FAR1: variants seen among roughly 807,000 people sequenced by gnomAD.
FAR1 encodes the protein male sterility domain-containing protein 2.
A neutral mutation model predicts 61.1 loss-of-function variants in FAR1; 22 were observed. The observed-to-expected ratio is 0.36, with a 90% CI of 0.26 to 0.51. The LOEUF (loss-of-function observed/expected upper bound fraction) is 0.51, where lower values mean the gene tolerates loss of function less well. Among genes scored for constraint, FAR1 ranks in the 20% least tolerant of loss-of-function variants. The pLI is 0.95. For synonymous variants in FAR1, 206 were observed against 209.7 expected (o/e 0.98, Z 0.15); for missense variants, 359 against 626.9 (o/e 0.57, Z 4.56).
At chr11:13,717,593 A>G (rs1453734088) in intron 9 of FAR1, among the ~76,000 whole-genome samples, 1 of 152,176 alleles carries the variant, frequency 6.6e-6, no homozygotes, top group Non-Finnish European at 1.5e-5. Flanking sequence ...TGTGCAGCCA[A>G]GTAGCCTTCT....
chr11:13,673,400 A>G (rs1424669431), intron 1 of FAR1, among the ~76,000 whole-genome samples: 6 of 152,240 alleles, frequency 3.9e-5, no homozygotes, highest in Non-Finnish European at 8.8e-5. Context: ...TGTGAATACC[A>G]TATTACAGAT....
At chr11:13,682,462 T>G (rs1467213797) in intron 1 of FAR1, among the ~76,000 whole-genome samples, 1 of 152,202 alleles carries the variant, frequency 6.6e-6, no homozygotes, top group East Asian at 1.9e-4. Flanking sequence ...CATGGCTGCT[T>G]TTCTGGTACA....
At chr11:13,707,149 G>C (rs1308225137) in intron 3 of FAR1, among the ~76,000 whole-genome samples, 1 of 152,072 alleles carries the variant, frequency 6.6e-6, no homozygotes. Context: ...ATATTCCATA[G>C]TGAATATTTG....
chr11:13,713,368 A>T (rs1017143766), intron 8 of FAR1, among the ~76,000 whole-genome samples: 1 of 149,756 alleles, frequency 6.7e-6, no homozygotes, highest in Non-Finnish European at 1.5e-5. Context: ...CTCAGTCTTG[A>T]TGTTGCCTAT....
intron 4 of FAR1, among the ~76,000 whole-genome samples, chr11:13,709,959 T>G (rs1449068879): frequency 6.6e-6 from 1 of 152,112 alleles, no homozygotes. Context: ...CGCCCTCCTT[T>G]TACAGATGAA....
At position 13,710,851 on chromosome 11, in the gene FAR1, G is replaced by A; in HGVS notation, c.704G>A (p.Ser235Asn). 6.2e-7 allele frequency: 1 copy of A among 1,609,802 alleles called. No homozygotes were observed. Among genetic ancestry groups the A allele is most frequent in the Non-Finnish European group, 8.5e-7 (1 of 1,178,788 alleles). Reference sequence around the variant, plus strand: ...GTAAGGCCATCGATTGTTGGTGCCAGTTGGAAAGAACCTTTTCCAGTAAGT... The same window carrying A: ...GTAAGGCCATCGATTGTTGGTGCCAATTGGAAAGAACCTTTTCCAGTAAGT... ...AIVRPSIVGA[S>N]WKEPFPGWID... Residue 235 changes from serine to asparagine, a missense_variant, in exon 5 of 12, where the codon AGT becomes AAT. Physicochemically the swap from Ser to Asn is conservative, Grantham distance 46. This residue lies in a region of FAR1 where 344 missense variants were observed against 570.3 expected (regional missense o/e 0.60). Coordinates refer to ENST00000354817, the MANE Select transcript of FAR1 (RefSeq NM_032228.6).
chr11:13,724,400 A>T (rs999044268), intron 10 of FAR1, among the ~76,000 whole-genome samples: 2 of 151,924 alleles, frequency 1.3e-5, no homozygotes, highest in Non-Finnish European at 1.5e-5. Context: ...AAAAAGAAAA[A>T]TTAGCCAGGC....
At chr11:13,682,506 A>G (rs774780720) in intron 1 of FAR1, among the ~76,000 whole-genome samples, 13 of 152,176 alleles carry the variant, frequency 8.5e-5, no homozygotes, top group Non-Finnish European at 1.5e-4. Context: ...CTGAGATTGT[A>G]TGGTTCACAA....
intron 8 of FAR1, among the ~76,000 whole-genome samples, chr11:13,713,554 A>G (rs1242655686): frequency 6.6e-6 from 1 of 152,208 alleles, no homozygotes; most frequent in Non-Finnish European, 1.5e-5. Flanking sequence ...CTATAGGAAT[A>G]GCATAACTTA....
At chr11:13,716,961 G>T (rs1848563907) in intron 9 of FAR1, among the ~76,000 whole-genome samples, 1 of 115,922 alleles carries the variant, frequency 8.6e-6, no homozygotes, top group African/African-American at 3.5e-5. Context: ...CCCACGACAG[G>T]CCCCCAGTGT....
chr11:13,723,798 G>A (rs1375106624), intron 10 of FAR1, among the ~76,000 whole-genome samples: 1 of 152,128 alleles, frequency 6.6e-6, no homozygotes, highest in African/African-American at 2.4e-5. Context: ...CAGTCTGCCA[G>A]CTGTGTCTAA....
At chr11:13,718,446 C>T (rs1231080693) in intron 9 of FAR1, among the ~76,000 whole-genome samples, 2 of 152,180 alleles carry the variant, frequency 1.3e-5, no homozygotes, top group African/African-American at 4.8e-5. Context: ...ACTTCAAGCC[C>T]TCACCAACAG....
chr11:13,687,813 T>C (rs1848204783), intron 1 of FAR1, among the ~76,000 whole-genome samples: 1 of 152,028 alleles, frequency 6.6e-6, no homozygotes, highest in African/African-American at 2.4e-5. Flanking sequence ...GGGACATGGA[T>C]GAAGCTGGAA....
chr11:13,692,063 A>G (rs1300194957), intron 1 of FAR1, among the ~76,000 whole-genome samples: 1 of 152,074 alleles, frequency 6.6e-6, no homozygotes, highest in Non-Finnish European at 1.5e-5. Context: ...AGCTACTCGA[A>G]GGCTGAGGCA....
intron 2 of FAR1, 30 bp downstream of exon 2, chr11:13,694,984 A>G (rs559635265): frequency 6.5e-7 from 1 of 1,546,764 alleles, no homozygotes; most frequent in Admixed American, 1.9e-5. Context: ...ACTCAGAACA[A>G]AGAAAAAAGC....
At chr11:13,709,372 AAATATTT>A in intron 4 of FAR1, among the ~76,000 whole-genome samples, 1 of 152,286 alleles carries the variant, frequency 6.6e-6, no homozygotes, top group South Asian at 2.1e-4. Context: ...CAATAAACAG[AAATATTT>A]AATATCTGCG....
chr11:13,672,560 AGTG>A (rs1481106240), intron 1 of FAR1, among the ~76,000 whole-genome samples: 32 of 151,450 alleles, frequency 2.1e-4, no homozygotes, highest in African/African-American at 7.5e-4. Context: ...AAAAAAAAAA[AGTG>A]AGCATTATTT....
intron 1 of FAR1, among the ~76,000 whole-genome samples, chr11:13,686,089 T>A (rs1444385886): frequency 6.6e-6 from 1 of 152,224 alleles, no homozygotes; most frequent in Non-Finnish European, 1.5e-5. Context: ...TCTCTAAAAG[T>A]GGGATTTAGT....
At chr11:13,728,360 C>CA (rs544187698) in intron 11 of FAR1, among the ~76,000 whole-genome samples, 12 of 150,118 alleles carry the variant, frequency 8.0e-5, no homozygotes, top group Middle Eastern at 3.4e-3. Flanking sequence ...CTAAAGATGT[C>CA]AAAAAAAAAG....
Sources: allele counts gnomAD v4.1 joint callset (sites outside exome capture counted in the v4.1 genomes callset), GRCh38; gene constraint gnomAD v4.1.1; regional missense constraint gnomAD v4.1.1; transcripts MANE v1.5; gene names NCBI Gene and HGNC (gene_info 2026-07-23, HGNC 2026-07-21).